The following BABAM2 variants were observed in gnomAD, a reference collection of about 807,000 sequenced individuals.
BABAM2 encodes BRISC and BRCA1 A complex member 2.
BABAM2 carries 31 observed loss-of-function variants against 54.7 expected under a neutral mutation model. The observed-to-expected ratio is 0.57, with a 90% CI of 0.43 to 0.77. BABAM2 has a LOEUF of 0.77. Among genes scored for constraint, BABAM2 ranks in the 30% least tolerant of loss-of-function variants. BABAM2 has a pLI of 0.00. For missense variants in BABAM2, 364 were observed against 455.8 expected (o/e 0.80, Z 1.83); for synonymous variants, 167 against 162.9 (o/e 1.03, Z -0.19).
At chr2:27,983,877 C>T (rs910185979) in intron 3 of BABAM2, among the ~76,000 whole-genome samples, 4 of 138,372 alleles carry the variant, frequency 2.9e-5, no homozygotes, top group African/African-American at 1.1e-4. Context: ...TTTTTACATG[C>T]AAGATTTATG....
intron 11 of BABAM2, among the ~76,000 whole-genome samples, chr2:28,305,717 A>C (rs926386696): frequency 2.0e-5 from 3 of 152,118 alleles, no homozygotes; most frequent in African/African-American, 7.2e-5. Flanking sequence ...TCTTGTGTTC[A>C]TTTTAGCAAG....
chr2:28,113,666 G>GT (rs1379668378), intron 6 of BABAM2, among the ~76,000 whole-genome samples: 1 of 152,128 alleles, frequency 6.6e-6, no homozygotes, highest in Admixed American at 6.6e-5. Context: ...ATTTAAGGTA[G>GT]TTTTTTCTAA....
intron 7 of BABAM2, among the ~76,000 whole-genome samples, chr2:28,177,056 C>T (rs746204504): frequency 2.6e-5 from 4 of 151,948 alleles, no homozygotes; most frequent in Non-Finnish European, 5.9e-5. Context: ...ACAAGAAGTT[C>T]AGAGATTCTC....
chr2:28,296,358 G>A (rs1296702532), intron 10 of BABAM2, among the ~76,000 whole-genome samples: 1 of 152,148 alleles, frequency 6.6e-6, no homozygotes, highest in Admixed American at 6.5e-5. Flanking sequence ...TATTCAGACT[G>A]CCCTATTGTG....
chr2:28,105,662 A>T (rs186466110), intron 6 of BABAM2, among the ~76,000 whole-genome samples: 1 of 152,220 alleles, frequency 6.6e-6, no homozygotes, highest in South Asian at 2.1e-4. Flanking sequence ...TACGATGCAT[A>T]GCACCCAGAC....
At chr2:28,102,038 C>T (rs1262734778) in intron 6 of BABAM2, among the ~76,000 whole-genome samples, 1 of 152,126 alleles carries the variant, frequency 6.6e-6, no homozygotes, top group Non-Finnish European at 1.5e-5. Flanking sequence ...AAGATAACTC[C>T]TATAGTGTTT....
intron 10 of BABAM2, among the ~76,000 whole-genome samples, chr2:28,289,968 C>T (rs898891621): frequency 6.6e-6 from 1 of 152,180 alleles, no homozygotes; most frequent in Non-Finnish European, 1.5e-5. Flanking sequence ...GAGGTAACCA[C>T]TACCCTTAAT....
intron 6 of BABAM2, among the ~76,000 whole-genome samples, chr2:28,060,724 CATTT>C (rs905985145): frequency 2.6e-5 from 4 of 152,022 alleles, no homozygotes; most frequent in Non-Finnish European, 4.4e-5. Context: ...TTAAAGATAA[CATTT>C]ATAATAACAT....
chr2:28,299,067 A>G (rs1019444084), intron 11 of BABAM2, among the ~76,000 whole-genome samples: 7 of 152,220 alleles, frequency 4.6e-5, no homozygotes, highest in Non-Finnish European at 8.8e-5. Flanking sequence ...TCATATGGAA[A>G]TGAATCTCTG....
chr2:28,115,409 G>T (rs1042326377), intron 6 of BABAM2, among the ~76,000 whole-genome samples: 1 of 151,934 alleles, frequency 6.6e-6, no homozygotes, highest in Non-Finnish European at 1.5e-5. Flanking sequence ...GGCGGATCAC[G>T]AGGTCAGGAG....
chr2:28,309,789 A>G, intron 11 of BABAM2: 1 of 363,332 alleles, frequency 2.8e-6, no homozygotes, highest in Non-Finnish European at 5.1e-6. Flanking sequence ...ACTCCCCACA[A>G]GAGAGATGAG....
At chr2:27,969,661 T>C (rs1671065278) in intron 3 of BABAM2, among the ~76,000 whole-genome samples, 1 of 152,194 alleles carries the variant, frequency 6.6e-6, no homozygotes, top group Non-Finnish European at 1.5e-5. Context: ...CAGTGGTTCT[T>C]TCTCAAACTG....
At chr2:27,893,517 C>A (rs952970459) in intron 1 of BABAM2, among the ~76,000 whole-genome samples, 1 of 152,188 alleles carries the variant, frequency 6.6e-6, no homozygotes, top group African/African-American at 2.4e-5. Context: ...TCTCTCCATA[C>A]TGAAATATTT....
chr2:28,310,892 AAAT>A (rs1048004374), intron 11 of BABAM2, among the ~76,000 whole-genome samples: 2 of 151,390 alleles, frequency 1.3e-5, no homozygotes, highest in African/African-American at 4.9e-5. Context: ...TCAAAAATAA[AAAT>A]AAAGAAAAAA....
At chr2:28,112,144 T>TC (rs1558346667) in intron 6 of BABAM2, among the ~76,000 whole-genome samples, 6 of 10,426 alleles carry the variant, frequency 5.8e-4, no homozygotes, top group Admixed American at 1.2e-3. Flanking sequence ...TTTCTTTCTT[T>TC]CTTTACCTCC....
intron 10 of BABAM2, among the ~76,000 whole-genome samples, chr2:28,283,944 A>T (rs1464971866): frequency 6.6e-6 from 1 of 152,224 alleles, no homozygotes. Flanking sequence ...GCTGTCAGAA[A>T]TGGTTTACTG....
intron 2 of BABAM2, among the ~76,000 whole-genome samples, chr2:27,923,308 G>A (rs1667463779): frequency 6.6e-6 from 1 of 152,186 alleles, no homozygotes; most frequent in South Asian, 2.1e-4. Flanking sequence ...ATAGAAAAGG[G>A]TTGTATTTAG....
At chr2:28,236,257 GTGATAAA>G (rs146575357) in intron 7 of BABAM2, among the ~76,000 whole-genome samples, 3,353 of 151,906 alleles carry the variant, frequency 0.022, 103 homozygotes, top group African/African-American at 0.077. Flanking sequence ...AAGATGAAGG[GTGATAAA>G]TGAAATGTAC....
chr2:28,278,720 A>G (rs1686083147), intron 10 of BABAM2, among the ~76,000 whole-genome samples: 1 of 152,180 alleles, frequency 6.6e-6, no homozygotes, highest in South Asian at 2.1e-4. Context: ...GATCTGGGAA[A>G]GGCCAGCAGC....
Sources: gnomAD v4.1 joint callset for allele counts (sites outside exome capture counted in the v4.1 genomes callset) on GRCh38, gnomAD v4.1.1 for gene constraint, MANE v1.5 for transcripts, NCBI Gene and HGNC (gene_info 2026-07-23, HGNC 2026-07-21) for gene names.